WDR76: variants seen among roughly 807,000 people sequenced by gnomAD.
WDR76 encodes WD repeat-containing protein 76.
A neutral mutation model predicts 70.2 loss-of-function variants in WDR76; 52 were observed. The ratio of observed to expected loss-of-function variants is 0.74; its 90% CI spans 0.59 to 0.93. WDR76 has a LOEUF of 0.93. WDR76 is among the 40% of genes least tolerant of loss of function. The pLI, the probability that WDR76 is intolerant of heterozygous loss-of-function variation, is 0.00. For missense variants in WDR76, 756 were observed against 760.2 expected, an observed-to-expected ratio of 0.99 and a Z score of 0.07; for synonymous variants, 292 against 271.1, an observed-to-expected ratio of 1.08 and a Z score of -0.76.
chr15:43,849,064 A>G (rs2087824094), intron 8 of WDR76, among the ~76,000 whole-genome samples: 2 of 150,714 alleles, frequency 1.3e-5, no homozygotes, highest in South Asian at 2.1e-4. Flanking sequence ...AATCCCAGCG[A>G]CTCAGGAGGC....
chr15:43,853,777 G>C (rs892377465), intron 9 of WDR76, among the ~76,000 whole-genome samples: 3 of 151,810 alleles, frequency 2.0e-5, no homozygotes, highest in Non-Finnish European at 2.9e-5. Context: ...GCGGTGGCAG[G>C]CACCTGTAGT....
chr15:43,831,445 C>G (rs2087586881), intron 2 of WDR76, among the ~76,000 whole-genome samples: 1 of 145,824 alleles, frequency 6.9e-6, no homozygotes, highest in African/African-American at 2.5e-5. Flanking sequence ...AGCCAAGATA[C>G]TTTTTTTTTT....
At chr15:43,853,873 T>G (rs1453467001) in intron 9 of WDR76, among the ~76,000 whole-genome samples, 1 of 139,796 alleles carries the variant, frequency 7.2e-6, no homozygotes, top group Non-Finnish European at 1.5e-5. Context: ...ACCACTGCAC[T>G]CCAGCCTGGG....
At chr15:43,865,714 T>C (rs570116992) in intron 12 of WDR76, among the ~76,000 whole-genome samples, 29 of 152,330 alleles carry the variant, frequency 1.9e-4, no homozygotes, top group Admixed American at 7.2e-4. Flanking sequence ...ATATTATGTA[T>C]ATTTTTAAAA....
rs888750309 is a variant in WDR76 at position 43,845,825 on chromosome 15, A to G, written c.1032+1771A>G. Among the ~76,000 whole-genome samples, 26 of 150,474 alleles carry G rather than the reference A, an allele frequency of 1.7e-4. 1 individual carries two copies. The highest frequency in any genetic ancestry group is 1.3e-4 in the Admixed American group (2 of 15,126). ...ATTTATTTTCTTATTGGGGAAGAAG[A>G]CCAAAGACATGAAAAATGCCATAAG... On this transcript the variant is annotated intron_variant, in intron 8 of 12. Transcript: ENST00000263795.
intron 5 of WDR76, among the ~76,000 whole-genome samples, chr15:43,840,447 TTAA>T (rs1036335662): frequency 3.3e-5 from 5 of 152,204 alleles, no homozygotes; most frequent in South Asian, 2.1e-4. Context: ...GTTATTAATG[TTAA>T]TAAATACGTG....
At position 43,866,447 on chromosome 15, in the gene WDR76, A is replaced by G; in HGVS notation, c.*55A>G. On this transcript the variant is annotated 3_prime_UTR_variant, in exon 13 of 13. Coordinates refer to ENST00000263795, the MANE Select transcript of WDR76 (RefSeq NM_024908.4). The stretch of plus-strand genomic sequence containing the variant: ...AAATTGACCACTGTCTAAGGAGCCT[A>G]GTAATCGGCGTGCCTTAGTGTGTTT... The G allele has an allele frequency of 6.3e-7, 1 of 1,594,862 alleles. No individual in the cohort carries two copies. Among genetic ancestry groups the G allele is most frequent in the Non-Finnish European group, 8.6e-7 (1 of 1,166,498 alleles).
At chr15:43,838,108 C>T (rs551151545) in intron 4 of WDR76, among the ~76,000 whole-genome samples, 1 of 152,160 alleles carries the variant, frequency 6.6e-6, no homozygotes, top group Non-Finnish European at 1.5e-5. Context: ...CTCCTGACCT[C>T]GTGATCCGCC....
At chr15:43,836,930 C>T (rs1321781784) in intron 4 of WDR76, among the ~76,000 whole-genome samples, 1 of 151,248 alleles carries the variant, frequency 6.6e-6, no homozygotes, top group South Asian at 2.1e-4. Context: ...ATCCCAGCTA[C>T]TCAAGAGGCT....
chr15:43,838,061 G>C (rs1462210068), intron 4 of WDR76, among the ~76,000 whole-genome samples: 3 of 151,994 alleles, frequency 2.0e-5, no homozygotes, highest in African/African-American at 7.3e-5. Flanking sequence ...ATTTTTAGTA[G>C]ACGGGGTTTC....
In WDR76 at chr15:43,851,177, C is replaced by T; in HGVS notation, c.1123C>T (p.His375Tyr). The change falls in exon 9 of 13, where the codon CAC becomes TAC. Residue 375 changes from histidine (H) to tyrosine (Y), a missense_variant. Coordinates refer to ENST00000263795, the MANE Select transcript of WDR76 (RefSeq NM_024908.4). Reference protein sequence around the residue: ...CLYFSPANPAHILSLSYDGTL... With the variant: ...CLYFSPANPAYILSLSYDGTL... ...TTACTTCTCACCCGCCAATCCGGCC[C>T]ACATACTGTCACTGAGCTATGATGG... The T allele has an allele frequency of 2.5e-6, 4 of 1,614,142 alleles. No homozygotes were observed. The highest frequency in any genetic ancestry group is 3.4e-6 in the Non-Finnish European group (4 of 1,180,036).
At position 43,851,139 on chromosome 15, in the gene WDR76, C is replaced by T. The variant is rs369714974; in HGVS notation, c.1085C>T (p.Pro362Leu). 3 of 1,614,152 alleles carry T rather than the reference C, an allele frequency of 1.9e-6. No homozygotes were observed. Among genetic ancestry groups the T allele is most frequent in the Non-Finnish European group, 2.5e-6 (3 of 1,180,034 alleles). Reference protein sequence around the residue: ...GVYVFHPHSQPVSCLYFSPAN... With the variant: ...GVYVFHPHSQLVSCLYFSPAN... The stretch of plus-strand genomic sequence containing the variant: ...TATGTTTTTCATCCCCATAGTCAGC[C>T]AGTTAGCTGTCTTTACTTCTCACCC... The change falls in exon 9 of 13, where the codon CCA (proline) becomes CTA (leucine). Residue 362 changes from proline to leucine, a missense_variant. Physicochemically the swap from Pro to Leu is moderately conservative, Grantham distance 98 (BLOSUM62 -3). Transcript: ENST00000263795.
chr15:43,834,726 C>T (rs182796530), intron 2 of WDR76, among the ~76,000 whole-genome samples: 3 of 152,222 alleles, frequency 2.0e-5, no homozygotes, highest in South Asian at 2.1e-4. Flanking sequence ...GGATTACAGG[C>T]GTGAGCCACT....
intron 9 of WDR76, among the ~76,000 whole-genome samples, chr15:43,854,620 T>G (rs1275551706): frequency 6.6e-6 from 1 of 151,918 alleles, no homozygotes; most frequent in Non-Finnish European, 1.5e-5. Context: ...TTCTCTGAGT[T>G]TTGGTGAATT....
Position 43,827,032 on chromosome 15 carries a change from G to A in WDR76, c.-1G>A, listed in dbSNP as rs758513532. 9 of 1,613,924 alleles carry A rather than the reference G, an allele frequency of 5.6e-6. No homozygotes were observed. In the East Asian group the frequency reaches 6.7e-5, roughly 12 times the overall value. ...GGCGCCGGCCGCTAAGAAGCCGAAAGATGTCCAGGTCGGGCGCGGCGGCTG... is the reference window on the plus strand; with the variant it reads ...GGCGCCGGCCGCTAAGAAGCCGAAAAATGTCCAGGTCGGGCGCGGCGGCTG... On this transcript the variant is annotated 5_prime_UTR_variant, in exon 1 of 13. Transcript: ENST00000263795.
chr15:43,838,809 G>T (rs2087688690), intron 4 of WDR76, among the ~76,000 whole-genome samples: 1 of 152,076 alleles, frequency 6.6e-6, no homozygotes, highest in African/African-American at 2.4e-5. Context: ...ATGTATGGGA[G>T]TTTCTCTAGG....
intron 9 of WDR76, among the ~76,000 whole-genome samples, chr15:43,854,340 A>T (rs1410681470): frequency 1.3e-5 from 2 of 152,192 alleles, no homozygotes; most frequent in East Asian, 3.9e-4. Context: ...GAGGCCGAGG[A>T]GGGTGGATCA....
intron 2 of WDR76, among the ~76,000 whole-genome samples, chr15:43,830,317 C>T (rs1039111765): frequency 6.6e-6 from 1 of 151,824 alleles, no homozygotes; most frequent in Non-Finnish European, 1.5e-5. Context: ...AATCCCAGCA[C>T]CTTGGGAGGC....
Position 43,866,171 on chromosome 15 carries a change from A to G in WDR76, c.1660A>G (p.Met554Val), listed in dbSNP as rs1220394157. 3 of 1,614,098 alleles carry G rather than the reference A, an allele frequency of 1.9e-6. No individual in the cohort carries two copies. The highest frequency in any genetic ancestry group is 1.7e-5 in the Admixed American group (1 of 59,998). Residue 554 changes from methionine to valine, a missense_variant, in exon 13 of 13, where the codon ATG becomes GTG. Coordinates refer to ENST00000263795, the MANE Select transcript of WDR76 (RefSeq NM_024908.4). ...GCGATGGCTGACCAGGTTCCAAGCC[A>G]TGTGGGATCCTAAACAAGAAGACTG... ...TGRWLTRFQA[M>V]WDPKQEDCVI...
Sources: allele counts gnomAD v4.1 joint callset (sites outside exome capture counted in the v4.1 genomes callset), GRCh38; gene constraint gnomAD v4.1.1; transcripts MANE v1.5; gene names NCBI Gene and HGNC (gene_info 2026-07-23, HGNC 2026-07-21).